The following CDH12 variants were observed in gnomAD, a reference collection of about 807,000 sequenced individuals.
CDH12 encodes the protein cadherin 12.
In CDH12, 41 loss-of-function variants were observed where a neutral mutation model predicts 74.1. That is an observed-to-expected ratio of 0.55 (90% CI 0.43 to 0.72). The LOEUF is 0.72. CDH12 is among the 30% of genes least tolerant of loss of function. CDH12 has a pLI of 0.00. For synonymous variants in CDH12, 399 were observed against 355.0 expected (o/e 1.12, Z -1.39); for missense variants, 945 against 977.2 (o/e 0.97, Z 0.44).
At chr5:22,671,473 T>C (rs268963) in intron 1 of CDH12, among the ~76,000 whole-genome samples, 151,811 of 152,240 alleles carry the variant, frequency 1, 75,703 homozygotes, top group Middle Eastern at 1. Flanking sequence ...CTTGTGGGGA[T>C]AGTCCTGCTT....
At position 22,391,148 on chromosome 5, in the gene CDH12, A is replaced by G. The variant is rs146354177; in HGVS notation, c.-333+14109T>C. ...CTGTGTCTTTCTCTGTGATAGAGTTATATACTACAGAGTGTTGCAGATGAG... is the reference window on the plus strand; with the variant it reads ...CTGTGTCTTTCTCTGTGATAGAGTTGTATACTACAGAGTGTTGCAGATGAG... On this transcript the variant is annotated intron_variant, in intron 3 of 14. Coordinates refer to ENST00000382254, the MANE Select transcript of CDH12 (RefSeq NM_004061.5). Among the ~76,000 whole-genome samples the G allele has an allele frequency of 4.3e-3, 652 of 152,260 alleles. 1 individual carries two copies. The highest frequency in any genetic ancestry group is 0.014 in the Middle Eastern group (4 of 294).
chr5:22,696,194 C>T (rs1742348622), intron 1 of CDH12, among the ~76,000 whole-genome samples: 2 of 151,716 alleles, frequency 1.3e-5, no homozygotes, highest in South Asian at 4.2e-4. Flanking sequence ...CAATGAAACC[C>T]ACGTCTCTAC....
At chr5:21,834,176 T>C (rs1335246044) in intron 8 of CDH12, among the ~76,000 whole-genome samples, 1 of 151,904 alleles carries the variant, frequency 6.6e-6, no homozygotes, top group East Asian at 1.9e-4. Context: ...GATTTGCAGT[T>C]TTATTTTTTA....
intron 6 of CDH12, among the ~76,000 whole-genome samples, chr5:21,907,144 A>G (rs6452030): frequency 0.73 from 110,599 of 152,176 alleles, 42,752 homozygotes; most frequent in Non-Finnish European, 0.85. Context: ...CCCCGCATGC[A>G]TTAGAAAACC....
At chr5:22,753,393 C>A (rs904932300) in intron 1 of CDH12, among the ~76,000 whole-genome samples, 11 of 148,058 alleles carry the variant, frequency 7.4e-5, no homozygotes, top group Non-Finnish European at 1.5e-5. Context: ...TCTGAGATCG[C>A]GCCATTGCAC....
At chr5:22,251,011 A>C (rs1753114140) in intron 3 of CDH12, among the ~76,000 whole-genome samples, 1 of 152,232 alleles carries the variant, frequency 6.6e-6, no homozygotes, top group Non-Finnish European at 1.5e-5. Context: ...GCATGTGTTA[A>C]ATACTGAAGG....
At chr5:22,503,452 T>C (rs1381066122) in intron 2 of CDH12, among the ~76,000 whole-genome samples, 1 of 152,094 alleles carries the variant, frequency 6.6e-6, no homozygotes, top group East Asian at 1.9e-4. Flanking sequence ...ATATTCATTG[T>C]TCTTGATTAT....
At chr5:21,932,975 G>C in intron 6 of CDH12, among the ~76,000 whole-genome samples, 1 of 150,196 alleles carries the variant, frequency 6.7e-6, no homozygotes, top group East Asian at 1.9e-4. Context: ...ATTGTATCTA[G>C]TATCTCAGGA....
chr5:22,766,588 A>G (rs757098643), intron 1 of CDH12, among the ~76,000 whole-genome samples: 2 of 152,134 alleles, frequency 1.3e-5, no homozygotes, highest in Non-Finnish European at 2.9e-5. Context: ...ACCCTGGAAC[A>G]GACCCTTAAG....
At chr5:21,756,093 A>C (rs1203877597) in intron 13 of CDH12, among the ~76,000 whole-genome samples, 1 of 152,210 alleles carries the variant, frequency 6.6e-6, no homozygotes, top group African/African-American at 2.4e-5. Context: ...ATGCTTTACA[A>C]GACAGAAAGT....
At chr5:22,045,851 G>C (rs1283838664) in intron 5 of CDH12, among the ~76,000 whole-genome samples, 1 of 152,094 alleles carries the variant, frequency 6.6e-6, no homozygotes, top group South Asian at 2.1e-4. Context: ...ACAGTTAAGA[G>C]GGATAAATTT....
intron 2 of CDH12, among the ~76,000 whole-genome samples, chr5:22,407,873 C>A (rs1380464666): frequency 6.6e-6 from 1 of 152,074 alleles, no homozygotes; most frequent in Non-Finnish European, 1.5e-5. Flanking sequence ...GATTAGACTA[C>A]CTGTTCAATT....
rs115516695 is a variant in CDH12, at chr5:22,072,398, C to T, written c.231+6048G>A. Among the ~76,000 whole-genome samples, 885 of 152,164 alleles carry T rather than the reference C, an allele frequency of 5.8e-3. 7 individuals are homozygous for T. Among genetic ancestry groups the T allele is most frequent in the African/African-American group, 0.018 (753 of 41,540 alleles). Reference sequence around the variant, plus strand: ...ACAAAAACTTTTCCCCATACTACCACTTCTAGAAAAATTAAATCATCCTTC... The same window carrying T: ...ACAAAAACTTTTCCCCATACTACCATTTCTAGAAAAATTAAATCATCCTTC... On this transcript the variant is annotated intron_variant, in intron 5 of 14. Transcript: ENST00000382254.
rs114345459 is a variant in CDH12 at position 22,294,000 on chromosome 5, T to C, written c.-332-81357A>G. 3.3e-3 allele frequency among the ~76,000 whole-genome samples: 508 copies of C among 152,194 alleles called. 1 individual carries two copies. Among genetic ancestry groups the C allele is most frequent in the African/African-American group, 0.012 (481 of 41,528 alleles). On this transcript the variant is annotated intron_variant, in intron 3 of 14. Transcript: ENST00000382254. ...TCTCAGCACAAAAACAATAACTATG[T>C]GAGGTAATGCATATGTTAACTACAT...
intron 5 of CDH12, among the ~76,000 whole-genome samples, chr5:22,034,931 G>A (rs2150177115): frequency 6.6e-6 from 1 of 152,190 alleles, no homozygotes; most frequent in African/African-American, 2.4e-5. Context: ...CCATTGACAG[G>A]TTCTTGAAAT....
chr5:22,529,707 C>G (rs1050745872), intron 1 of CDH12, among the ~76,000 whole-genome samples: 3 of 152,278 alleles, frequency 2.0e-5, no homozygotes, highest in African/African-American at 7.2e-5. Flanking sequence ...TTAACACATA[C>G]AATTGACCAT....
chr5:22,117,482 ATATATATTAT>A (rs1745214877), intron 4 of CDH12, among the ~76,000 whole-genome samples: 1 of 48,062 alleles, frequency 2.1e-5, no homozygotes, highest in Non-Finnish European at 3.8e-5. Context: ...TATATATTAT[ATATATATTAT>A]ATATATATAA....
intron 1 of CDH12, among the ~76,000 whole-genome samples, chr5:22,805,799 C>A (rs912407251): frequency 1.4e-4 from 21 of 152,194 alleles, no homozygotes; most frequent in African/African-American, 4.8e-4. Context: ...CTAATGCTAT[C>A]CCTCCCCTAG....
At chr5:22,351,439 T>C (rs893821615) in intron 3 of CDH12, among the ~76,000 whole-genome samples, 2 of 152,118 alleles carry the variant, frequency 1.3e-5, no homozygotes, top group Non-Finnish European at 2.9e-5. Flanking sequence ...ACAATACAAA[T>C]TGGTGCTTTA....
Sources: allele counts gnomAD v4.1 joint callset (sites outside exome capture counted in the v4.1 genomes callset), GRCh38; gene constraint gnomAD v4.1.1; transcripts MANE v1.5; gene names NCBI Gene and HGNC (gene_info 2026-07-23, HGNC 2026-07-21).